CCDC144A: variants seen among roughly 807,000 people sequenced by gnomAD.
CCDC144A encodes the protein coiled-coil domain-containing protein 144A.
CCDC144A carries 41 observed loss-of-function variants against 143.8 expected under a neutral mutation model. The ratio of observed to expected loss-of-function variants is 0.29; its 90% CI spans 0.22 to 0.37. The LOEUF (loss-of-function observed/expected upper bound fraction) is 0.37, where lower values mean the gene tolerates loss of function less well. Among genes scored for constraint, CCDC144A ranks in the 10% least tolerant of loss-of-function variants. The pLI, the probability that CCDC144A is intolerant of heterozygous loss-of-function variation, is 1.00. For missense variants in CCDC144A, 637 were observed against 1,488.8 expected (o/e 0.43, Z 9.41); for synonymous variants, 242 against 517.9 (o/e 0.47, Z 7.23).
intron 3 of CCDC144A, chr17:16,706,697 A>G (rs558105980): frequency 6.6e-6 from 1 of 151,066 alleles, no homozygotes; most frequent in East Asian, 1.9e-4. Context: ...ACATAGCAAG[A>G]CTCAATACAT....
At chr17:16,714,007 T>C (rs1400025792) in intron 6 of CCDC144A, among the ~76,000 whole-genome samples, 1 of 152,176 alleles carries the variant, frequency 6.6e-6, no homozygotes, top group Non-Finnish European at 1.5e-5. Context: ...CATTGTTTCT[T>C]AGACCTCATT....
intron 2 of CCDC144A, among the ~76,000 whole-genome samples, chr17:16,699,420 G>C (rs1420253469): frequency 6.9e-6 from 1 of 145,338 alleles, no homozygotes; most frequent in East Asian, 2.0e-4. Context: ...CTTCCACCCA[G>C]GCGGGACTGC....
intron 15 of CCDC144A, chr17:16,766,180 G>A (rs1915587990): frequency 6.6e-6 from 1 of 152,522 alleles, no homozygotes; most frequent in South Asian, 2.1e-4. Flanking sequence ...GGGGCTTCCA[G>A]GTCACAGATA....
At chr17:16,687,366 C>T (rs189994785), upstream of CCDC144A, among the ~76,000 whole-genome samples, 7 of 152,240 alleles carry the variant, frequency 4.6e-5, no homozygotes, top group African/African-American at 1.2e-4. Flanking sequence ...CGCCGCCCCC[C>T]GCAGGGATAA....
chr17:16,738,754 T>C (rs2143266500), intron 12 of CCDC144A, among the ~76,000 whole-genome samples: 1 of 152,208 alleles, frequency 6.6e-6, no homozygotes, highest in South Asian at 2.1e-4. Context: ...CTGTGAACTT[T>C]TATTTACAAG....
chr17:16,758,595 A>T (rs1915210281), intron 12 of CCDC144A, among the ~76,000 whole-genome samples: 2 of 152,340 alleles, frequency 1.3e-5, no homozygotes, highest in South Asian at 4.1e-4. Flanking sequence ...ATACAGCCTG[A>T]TGTGTGCTTC....
intron 12 of CCDC144A, among the ~76,000 whole-genome samples, chr17:16,756,693 T>G (rs1915103195): frequency 6.6e-6 from 1 of 151,310 alleles, no homozygotes; most frequent in South Asian, 2.1e-4. Context: ...TCATGTTTCT[T>G]TGATTTTTCA....
chr17:16,749,892 CTAAGAA>C (rs1329644575), intron 12 of CCDC144A, among the ~76,000 whole-genome samples: 3 of 152,166 alleles, frequency 2.0e-5, no homozygotes, highest in African/African-American at 7.2e-5. Context: ...TCTGTTTTAT[CTAAGAA>C]TAACAACCCC....
chr17:16,679,094 G>T, the CCDC144A span, among the ~76,000 whole-genome samples: 1 of 151,756 alleles, frequency 6.6e-6, no homozygotes, highest in African/African-American at 2.4e-5. Context: ...ATGGCGGGGG[G>T]GGGTCTCACT....
intron 2 of CCDC144A, among the ~76,000 whole-genome samples, chr17:16,697,980 C>G (rs935427435): frequency 2.0e-4 from 30 of 152,256 alleles, no homozygotes; most frequent in African/African-American, 7.2e-4. Context: ...GCAGTCACGA[C>G]TAACAGTTTT....
chr17:16,674,250 C>CA, the CCDC144A span, among the ~76,000 whole-genome samples: 1 of 151,816 alleles, frequency 6.6e-6, no homozygotes, highest in Non-Finnish European at 1.5e-5. Flanking sequence ...CTCATCTCTA[C>CA]AAAAAATTAC....
At position 16,752,308 on chromosome 17, in the gene CCDC144A, G is replaced by A. The variant is rs895736311; in HGVS notation, c.3373-9117G>A. The stretch of plus-strand genomic sequence containing the variant: ...ATCTGAGGTGGAACAGTTCCATCGC[G>A]AAACCATCCCCACCCCACCGTCTGT... On this transcript the variant is annotated intron_variant, in intron 12 of 16. Coordinates refer to ENST00000399273, the MANE Select transcript of CCDC144A (RefSeq NM_001382000.1). Among the ~76,000 whole-genome samples, 267 of 152,226 alleles carry A rather than the reference G, an allele frequency of 1.8e-3. 1 individual carries two copies. The highest frequency in any genetic ancestry group is 4.4e-3 in the African/African-American group (184 of 41,550).
At chr17:16,742,416 A>T (rs991575048) in intron 12 of CCDC144A, among the ~76,000 whole-genome samples, 2 of 152,140 alleles carry the variant, frequency 1.3e-5, no homozygotes, top group Admixed American at 1.3e-4. Context: ...ATAGTATTCC[A>T]CTGTGGACAT....
At chr17:16,749,272 G>A (rs1229253439) in intron 12 of CCDC144A, among the ~76,000 whole-genome samples, 1 of 152,100 alleles carries the variant, frequency 6.6e-6, no homozygotes, top group Non-Finnish European at 1.5e-5. Context: ...CTGTATCCCA[G>A]AAGTTTTGGT....
chr17:16,746,271 C>CTTTT lies in CCDC144A; in HGVS notation c.3372+10640_3372+10643dup, dbSNP rs141884494. ...CTTCTGTTTATCTGTCTCTCTCTCT[C>CTTTT]TTTTTTTTTTTTTTTGCATCTTTCT... On this transcript the variant is annotated intron_variant, in intron 12 of 16. Transcript: ENST00000399273. 1.4e-3 allele frequency: 1,076 copies of CTTTT among 779,230 alleles called. 2 individuals are homozygous for CTTTT. The highest frequency in any genetic ancestry group is 6.5e-3 in the African/African-American group (288 of 44,400). 48.3% of individuals were successfully genotyped at this position (779,230 alleles called of 1,614,324 possible).
At chr17:16,733,593 C>A (rs1398519663) in intron 11 of CCDC144A, among the ~76,000 whole-genome samples, 1 of 149,096 alleles carries the variant, frequency 6.7e-6, no homozygotes, top group Non-Finnish European at 1.5e-5. Context: ...AAAGAGGAAA[C>A]TTAAGTTATT....
intron 12 of CCDC144A, among the ~76,000 whole-genome samples, chr17:16,753,434 T>TGTTGTTTTTGTTGTTG (rs1307923345): frequency 8.4e-6 from 1 of 118,562 alleles, no homozygotes; most frequent in African/African-American, 4.2e-5. Context: ...TGTAGTTTTT[T>TGTTGTTTTTGTTGTTG]TTTTTTTTTT....
In CCDC144A at chr17:16,775,515, CTGTT is replaced by C. The variant is rs1434574533; in HGVS notation, c.*1886_*1889del. 6.6e-6 allele frequency: 1 copy of C among 152,222 alleles called. No homozygotes were observed. The highest frequency in any genetic ancestry group is 1.5e-5 in the Non-Finnish European group (1 of 68,050). The allele number at this position is 152,222 out of a possible 1,614,324, so 9.4% of individuals were successfully genotyped here. ...ATGTATGCCTTCTTTTGAAAAGTGTCTGTTTGTGTCCTTTGACCACTTTCTAATG... is the reference window on the plus strand; with the variant it reads ...ATGTATGCCTTCTTTTGAAAAGTGTCTGTGTCCTTTGACCACTTTCTAATG... On this transcript the variant is annotated 3_prime_UTR_variant, in exon 17 of 17. Coordinates refer to ENST00000399273, the MANE Select transcript of CCDC144A (RefSeq NM_001382000.1).
intron 12 of CCDC144A, among the ~76,000 whole-genome samples, chr17:16,742,962 T>C (rs998209673): frequency 6.6e-6 from 1 of 152,138 alleles, no homozygotes; most frequent in African/African-American, 2.4e-5. Flanking sequence ...ATTCTAGATA[T>C]TAGACCTTTC....
Sources: allele counts gnomAD v4.1 joint callset (sites outside exome capture counted in the v4.1 genomes callset), GRCh38; gene constraint gnomAD v4.1.1; transcripts MANE v1.5; gene names NCBI Gene and HGNC (gene_info 2026-07-23, HGNC 2026-07-21).